Variants in GSK3B observed in about 807,000 individuals in gnomAD.
GSK3B encodes the protein glycogen synthase kinase 3 beta, also known as glycogen synthase kinase-3 beta.
A neutral mutation model predicts 56.4 loss-of-function variants in GSK3B; 15 were observed. The observed-to-expected ratio is 0.27, with a 90% CI of 0.18 to 0.41. The LOEUF is 0.41. Among genes scored for constraint, GSK3B ranks in the 10% least tolerant of loss-of-function variants. The probability of loss-of-function intolerance (pLI) is 1.00; values close to 1 mark genes in which losing one functional copy is unlikely to be tolerated. For missense variants in GSK3B, 300 were observed against 513.4 expected (o/e 0.58, Z 4.02); for synonymous variants, 181 against 188.9 (o/e 0.96, Z 0.34).
intron 5 of GSK3B, among the ~76,000 whole-genome samples, chr3:119,914,101 G>A (rs766142741): frequency 9.2e-5 from 14 of 152,026 alleles, no homozygotes; most frequent in Non-Finnish European, 4.4e-5. Flanking sequence ...CTCTCTTACA[G>A]AGGAGACTGG....
At chr3:119,902,657 A>G (rs1474263119) in intron 7 of GSK3B, among the ~76,000 whole-genome samples, 1 of 152,156 alleles carries the variant, frequency 6.6e-6, no homozygotes, top group African/African-American at 2.4e-5. Context: ...TCGGCCTCCC[A>G]AAGTGTTGGG....
At chr3:119,970,823 A>G (rs1449309485) in intron 2 of GSK3B, among the ~76,000 whole-genome samples, 4 of 151,732 alleles carry the variant, frequency 2.6e-5, no homozygotes, top group African/African-American at 9.7e-5. Context: ...AACAAAAAAT[A>G]AAAAACAAAA....
intron 2 of GSK3B, among the ~76,000 whole-genome samples, chr3:119,975,937 C>T (rs987838079): frequency 7.2e-5 from 11 of 151,978 alleles, no homozygotes; most frequent in African/African-American, 2.7e-4. Flanking sequence ...ACATTTCTCC[C>T]CAAGAAGACA....
intron 1 of GSK3B, among the ~76,000 whole-genome samples, chr3:120,045,977 T>C (rs574891018): frequency 6.6e-6 from 1 of 151,988 alleles, no homozygotes; most frequent in Non-Finnish European, 1.5e-5. Flanking sequence ...GAACCACGTC[T>C]AAAAAGGCTA....
At chr3:119,962,375 C>CAAAA (rs71156779) in intron 2 of GSK3B, among the ~76,000 whole-genome samples, 5 of 120,490 alleles carry the variant, frequency 4.1e-5, no homozygotes, top group Admixed American at 2.5e-4. Context: ...AACTCTGTCT[C>CAAAA]AAAAAAAAAA....
chr3:119,947,302 C>A lies in GSK3B; in HGVS notation c.332G>T (p.Arg111Leu), dbSNP rs762056483. ...ACTGGAGTAGAAGAAATAACGCAAT[C>A]GGACTATGTTACAGTGATCTAGCTT... ...MRKLDHCNIV[R>L]LRYFFYSSGE... Residue 111 changes from arginine to leucine, a missense_variant, in exon 3 of 11, where the codon CGA (arginine) becomes CTA (leucine). Physicochemically the swap from Arg to Leu is moderately radical, Grantham distance 102 (BLOSUM62 -2). Transcript: ENST00000264235. The A allele has an allele frequency of 2.5e-6, 4 of 1,603,808 alleles. No individual in the cohort carries two copies. The African/African-American group carries it at 4.0e-5, about 16-fold the overall frequency.
At chr3:119,981,732 T>C (rs2057465308) in intron 2 of GSK3B, among the ~76,000 whole-genome samples, 1 of 152,210 alleles carries the variant, frequency 6.6e-6, no homozygotes, top group Admixed American at 6.5e-5. Context: ...CAACAACACC[T>C]ACAGCCTCTA....
chr3:119,923,788 T>C (rs985081518), intron 3 of GSK3B, among the ~76,000 whole-genome samples: 4 of 152,208 alleles, frequency 2.6e-5, no homozygotes, highest in African/African-American at 7.2e-5. Context: ...TCATAAAATA[T>C]AATATTTTCT....
In GSK3B at chr3:119,925,106, A is replaced by T. The variant is rs187478630; in HGVS notation, c.367-1623T>A. 1.2e-4 allele frequency among the ~76,000 whole-genome samples: 19 copies of T among 152,286 alleles called. No homozygotes were observed. The East Asian group carries it at 2.5e-3, about 20-fold the overall frequency. On this transcript the variant is annotated intron_variant, in intron 3 of 10. Transcript: ENST00000264235. ...CATTTTGGGAGGCTGAGGCAGGCAG[A>T]TCGCTTGAGTTCATGAGTTTGAGAC...
chr3:119,847,130 C>T (rs1242968911), intron 9 of GSK3B, among the ~76,000 whole-genome samples: 4 of 151,656 alleles, frequency 2.6e-5, no homozygotes, highest in Non-Finnish European at 5.9e-5. Context: ...CATACCAGGG[C>T]CTGTTGCGGG....
intron 1 of GSK3B, among the ~76,000 whole-genome samples, chr3:120,084,228 T>A (rs2058444990): frequency 6.6e-6 from 1 of 152,124 alleles, no homozygotes; most frequent in African/African-American, 2.4e-5. Context: ...GAATAATAAT[T>A]TAAATAAATA....
At chr3:119,937,305 T>C (rs1157157356) in intron 3 of GSK3B, among the ~76,000 whole-genome samples, 2 of 152,080 alleles carry the variant, frequency 1.3e-5, no homozygotes, top group Non-Finnish European at 1.5e-5. Flanking sequence ...TTCCTCTTGG[T>C]AATGAATGTG....
intron 6 of GSK3B, among the ~76,000 whole-genome samples, chr3:119,910,420 T>C (rs1415213174): frequency 6.6e-6 from 1 of 152,210 alleles, no homozygotes; most frequent in African/African-American, 2.4e-5. Flanking sequence ...ATTACTTGTA[T>C]AATAGAATTG....
Position 119,909,584 on chromosome 3 carries a change from T to A in GSK3B, c.715+3120A>T, listed in dbSNP as rs149793801. ...AGAGAAGGTCAATAATGATTAAAGC[T>A]AATGGTCTCTATTCAGTTCCTTCTA... On this transcript the variant is annotated intron_variant, in intron 6 of 10. Coordinates refer to ENST00000264235, the MANE Select transcript of GSK3B (RefSeq NM_001146156.2). 3.7e-4 allele frequency among the ~76,000 whole-genome samples: 57 copies of A among 152,368 alleles called. No homozygotes were observed. The East Asian group carries it at 0.01, about 27-fold the overall frequency.
At chr3:119,983,528 A>G (rs2057484118) in intron 2 of GSK3B, among the ~76,000 whole-genome samples, 1 of 151,340 alleles carries the variant, frequency 6.6e-6, no homozygotes, top group Non-Finnish European at 1.5e-5. Flanking sequence ...AAGCAAATGG[A>G]GAGAAAAAAA....
chr3:119,942,955 A>T (rs1200354230), intron 3 of GSK3B, among the ~76,000 whole-genome samples: 1 of 152,228 alleles, frequency 6.6e-6, no homozygotes, highest in Non-Finnish European at 1.5e-5. Flanking sequence ...AATTGACTAC[A>T]TGATGCTCTA....
chr3:119,965,095 C>T (rs2057307700), intron 2 of GSK3B, among the ~76,000 whole-genome samples: 1 of 147,480 alleles, frequency 6.8e-6, no homozygotes, highest in South Asian at 2.1e-4. Context: ...CTCTGTTGCC[C>T]AGGCTGGAGT....
At chr3:119,857,602 T>C (rs1399469036) in intron 9 of GSK3B, among the ~76,000 whole-genome samples, 1 of 152,224 alleles carries the variant, frequency 6.6e-6, no homozygotes. Context: ...CTTCCTCCAC[T>C]GAAGTCTTGA....
chr3:119,851,089 G>A (rs1376347580), intron 9 of GSK3B, among the ~76,000 whole-genome samples: 1 of 151,980 alleles, frequency 6.6e-6, no homozygotes. Flanking sequence ...AGTTTATTAG[G>A]GAAAACTACA....
Sources: allele counts gnomAD v4.1 joint callset (sites outside exome capture counted in the v4.1 genomes callset), GRCh38; gene constraint gnomAD v4.1.1; transcripts MANE v1.5; gene names NCBI Gene and HGNC (gene_info 2026-07-23, HGNC 2026-07-21).